The following TCF7L2 variants were observed in gnomAD, a reference collection of about 807,000 sequenced individuals.
TCF7L2 encodes transcription factor 7-like 2.
A neutral mutation model predicts 77.9 loss-of-function variants in TCF7L2; 23 were observed. The ratio of observed to expected loss-of-function variants is 0.30; its 90% CI spans 0.21 to 0.42. The LOEUF (loss-of-function observed/expected upper bound fraction) is 0.42. Ranked by LOEUF, TCF7L2 falls within the 10% of genes least tolerant of loss-of-function variation. The pLI is 1.00. For missense variants in TCF7L2, 654 were observed against 793.1 expected (o/e 0.82, Z 2.11); for synonymous variants, 413 against 340.2 (o/e 1.21, Z -2.36).
At chr10:113,122,189 G>A (rs1280600072) in intron 5 of TCF7L2, among the ~76,000 whole-genome samples, 2 of 152,064 alleles carry the variant, frequency 1.3e-5, no homozygotes, top group Admixed American at 6.6e-5. Flanking sequence ...TTATACATAA[G>A]ATTATTTTTT....
chr10:113,134,683 T>C (rs1366325618), intron 5 of TCF7L2, among the ~76,000 whole-genome samples: 2 of 152,222 alleles, frequency 1.3e-5, no homozygotes, highest in African/African-American at 4.8e-5. Context: ...GCTGCAGCCA[T>C]AGTAAACGGC....
At chr10:112,951,904 T>G (rs575914313) in intron 3 of TCF7L2, 1,076 of 106,874 alleles carry the variant, frequency 0.01, 9 homozygotes, top group Non-Finnish European at 0.013. Flanking sequence ...GGGGGGGGAA[T>G]CCGAAGAACT....
chr10:113,129,486 T>A (rs1592095233), intron 5 of TCF7L2: 15 of 1,012,322 alleles, frequency 1.5e-5, no homozygotes, highest in Non-Finnish European at 1.8e-5. Flanking sequence ...GTAGAAGGAG[T>A]TTTTAAAATT....
At chr10:112,974,968 CT>C (rs953760276) in intron 4 of TCF7L2, among the ~76,000 whole-genome samples, 2 of 110,948 alleles carry the variant, frequency 1.8e-5, no homozygotes, top group Non-Finnish European at 3.6e-5. Context: ...GTGGTTGCTT[CT>C]TTTTTTTTCT....
chr10:113,028,124 A>G (rs1229175011), intron 4 of TCF7L2, among the ~76,000 whole-genome samples: 1 of 152,200 alleles, frequency 6.6e-6, no homozygotes, highest in East Asian at 1.9e-4. Flanking sequence ...GGCTTGTAGG[A>G]GGAGCAAATA....
rs560153491 is a variant in TCF7L2 at position 113,120,404 on chromosome 10, C to T, written c.553-20780C>T. Among the ~76,000 whole-genome samples, 111 of 152,156 alleles carry T rather than the reference C, an allele frequency of 7.3e-4. 1 individual carries two copies. The highest frequency in any genetic ancestry group is 2.5e-3 in the African/African-American group (105 of 41,518). On this transcript the variant is annotated intron_variant, in intron 5 of 13. Transcript: ENST00000627217. ...ATGGGAAGCAGTTTTTCAGATGTTG[C>T]GATTTAGTGTTGGGTCCTTCAGTAG...
At chr10:113,039,029 A>G (rs561727013) in intron 4 of TCF7L2, among the ~76,000 whole-genome samples, 1 of 152,346 alleles carries the variant, frequency 6.6e-6, no homozygotes, top group African/African-American at 2.4e-5. Context: ...CTTGAGAAGC[A>G]TAAAGGCTCG....
chr10:113,133,732 G>C (rs2066955052), intron 5 of TCF7L2, among the ~76,000 whole-genome samples: 1 of 152,212 alleles, frequency 6.6e-6, no homozygotes, highest in African/African-American at 2.4e-5. Context: ...TTCACAGACG[G>C]CAGGGAGAAT....
At chr10:113,152,756 C>T (rs995086970) in intron 11 of TCF7L2, among the ~76,000 whole-genome samples, 2 of 152,156 alleles carry the variant, frequency 1.3e-5, no homozygotes, top group Non-Finnish European at 2.9e-5. Flanking sequence ...TTAGGATACA[C>T]CCAAAGGACC....
At chr10:112,972,492 C>T (rs1219529393) in intron 4 of TCF7L2, among the ~76,000 whole-genome samples, 1 of 152,130 alleles carries the variant, frequency 6.6e-6, no homozygotes, top group Non-Finnish European at 1.5e-5. Context: ...TATTTTGAGA[C>T]AGGGTCTCAC....
chr10:113,042,297 G>T (rs1024316161), intron 5 of TCF7L2, among the ~76,000 whole-genome samples: 1 of 152,130 alleles, frequency 6.6e-6, no homozygotes, highest in Non-Finnish European at 1.5e-5. Context: ...CTCCCCTGGG[G>T]CATACACACC....
chr10:112,954,440 AT>A (rs2032949185), intron 3 of TCF7L2, among the ~76,000 whole-genome samples: 1 of 152,232 alleles, frequency 6.6e-6, no homozygotes, highest in Non-Finnish European at 1.5e-5. Flanking sequence ...TAATGCTTTA[AT>A]TGCTGAAGAC....
At position 113,152,280 on chromosome 10, in the gene TCF7L2, A is replaced by C. The variant is rs1425888149; in HGVS notation, c.1162-53A>C. 3 of 1,479,658 alleles carry C rather than the reference A, an allele frequency of 2.0e-6. No homozygotes were observed. The African/African-American group carries it at 4.2e-5, about 20-fold the overall frequency. 91.7% of individuals were successfully genotyped at this position (1,479,658 alleles called of 1,614,324 possible). A position where few individuals can be genotyped will look rare whatever the true frequency, so the allele number is the denominator to read the frequency against. Reference sequence around the variant, plus strand: ...TTGGCGTAATGTGTGATGTTCTTTCATGCTTTTCTCTTTGTTCATGTCTTT... The same window carrying C: ...TTGGCGTAATGTGTGATGTTCTTTCCTGCTTTTCTCTTTGTTCATGTCTTT... On this transcript the variant is annotated intron_variant, in intron 10 of 13. Transcript: ENST00000627217.
chr10:112,968,710 C>G (rs553695684), intron 4 of TCF7L2, among the ~76,000 whole-genome samples: 6 of 152,138 alleles, frequency 3.9e-5, no homozygotes, highest in Non-Finnish European at 8.8e-5. Context: ...TCGCTAGTAG[C>G]TGGGACTACG....
At chr10:112,971,267 C>T (rs968636251) in intron 4 of TCF7L2, among the ~76,000 whole-genome samples, 6 of 152,134 alleles carry the variant, frequency 3.9e-5, no homozygotes, top group African/African-American at 1.4e-4. Context: ...AGTTAGGTTT[C>T]CAGTGTAGTC....
At position 112,990,699 on chromosome 10, in the gene TCF7L2, C is replaced by T. The variant is rs2042377967; in HGVS notation, c.450+26075C>T. On this transcript the variant is annotated intron_variant, in intron 4 of 13. Transcript: ENST00000627217. Reference sequence around the variant, plus strand: ...GCAGCCTGGATGACTGAGTGGGACCCTGTCTCAATAATAAATAAATAAATA... The same window carrying T: ...GCAGCCTGGATGACTGAGTGGGACCTTGTCTCAATAATAAATAAATAAATA... Among the ~76,000 whole-genome samples, 3 of 152,022 alleles carry T rather than the reference C, an allele frequency of 2.0e-5. No individual in the cohort carries two copies. In the South Asian group the frequency reaches 6.2e-4, roughly 32 times the overall value.
chr10:113,118,664 G>GTTTTTTTTTTTTTTTTTTTTTTTTTTT (rs78459197), intron 5 of TCF7L2, among the ~76,000 whole-genome samples: 1 of 68,268 alleles, frequency 1.5e-5, no homozygotes, highest in Non-Finnish European at 3.2e-5. Context: ...GTTTTTTTTT[G>GTTTTTTTTTTTTTTTTTTTTTTTTTTT]TTTTTTTTTT....
Position 113,070,266 on chromosome 10 carries a change from A to ATTTATATAT in TCF7L2, c.552+30140_552+30141insTTTATATAT, listed in dbSNP as rs953072031. Among the ~76,000 whole-genome samples, 575 of 96,384 alleles carry ATTTATATAT rather than the reference A, an allele frequency of 6.0e-3. 6 individuals carry two copies. Among genetic ancestry groups the ATTTATATAT allele is most frequent in the East Asian group, 0.016 (55 of 3,526 alleles). 63.2% of individuals were successfully genotyped at this position (96,384 alleles called of 152,430 possible). A position where few individuals can be genotyped will look rare whatever the true frequency, so the allele number is the denominator to read the frequency against. The stretch of plus-strand genomic sequence containing the variant: ...TGAGACTCCGTCTTAAAAAAAAAAA[A>ATTTATATAT]ATTTATATATATATATATATATATG... On this transcript the variant is annotated intron_variant, in intron 5 of 13. Coordinates refer to ENST00000627217, the MANE Select transcript of TCF7L2 (RefSeq NM_001146274.2).
At chr10:112,970,717 C>T (rs1325158185) in intron 4 of TCF7L2, among the ~76,000 whole-genome samples, 3 of 152,076 alleles carry the variant, frequency 2.0e-5, no homozygotes, top group African/African-American at 7.2e-5. Context: ...TGATGAGGGT[C>T]TCTTGTGTTC....
Sources: allele counts gnomAD v4.1 joint callset (sites outside exome capture counted in the v4.1 genomes callset), GRCh38; gene constraint gnomAD v4.1.1; transcripts MANE v1.5; gene names NCBI Gene and HGNC (gene_info 2026-07-23, HGNC 2026-07-21).